Variants in HEG1 observed in about 807,000 individuals in gnomAD.
HEG1 encodes heart development protein with EGF like domains 1, also known as protein HEG homolog 1.
In HEG1, 56 loss-of-function variants were observed where a neutral mutation model predicts 125.6. The ratio of observed to expected loss-of-function variants is 0.45; its 90% confidence interval spans 0.36 to 0.56. HEG1 has a LOEUF of 0.56. Ranked by LOEUF, HEG1 falls within the 20% of genes least tolerant of loss-of-function variation. HEG1 has a pLI of 0.00. For missense variants in HEG1, 1,523 were observed against 1,670.0 expected (o/e 0.91, Z 1.53); for synonymous variants, 644 against 668.5 (o/e 0.96, Z 0.57).
intron 15 of HEG1, among the ~76,000 whole-genome samples, chr3:124,975,775 A>G (rs1936524454): frequency 6.6e-6 from 1 of 152,244 alleles, no homozygotes; most frequent in South Asian, 2.1e-4. Context: ...AAATAGAATC[A>G]TACAGTAGGT....
At chr3:125,045,618 A>G (rs949391072) in intron 1 of HEG1, among the ~76,000 whole-genome samples, 3 of 152,166 alleles carry the variant, frequency 2.0e-5, no homozygotes, top group African/African-American at 7.2e-5. Context: ...TGAAAAGGCT[A>G]TTGAGATTTC....
chr3:125,007,745 C>A (rs1189562434), intron 8 of HEG1, among the ~76,000 whole-genome samples: 2 of 152,136 alleles, frequency 1.3e-5, no homozygotes, highest in Non-Finnish European at 2.9e-5. Flanking sequence ...GGCCCTGGAG[C>A]TAGAAGCAAA....
chr3:125,054,165 T>C (rs1560038976), intron 1 of HEG1, among the ~76,000 whole-genome samples: 1 of 152,250 alleles, frequency 6.6e-6, no homozygotes. Flanking sequence ...GGAAATATGT[T>C]GTTTTATGTT....
At chr3:125,011,079 T>C (rs1364225654) in intron 6 of HEG1, among the ~76,000 whole-genome samples, 1 of 152,176 alleles carries the variant, frequency 6.6e-6, no homozygotes, top group East Asian at 1.9e-4. Flanking sequence ...CCTCCACATA[T>C]TGTGCCATAT....
At chr3:125,036,257 T>C (rs1937546788) in intron 1 of HEG1, among the ~76,000 whole-genome samples, 1 of 147,440 alleles carries the variant, frequency 6.8e-6, no homozygotes. Flanking sequence ...ACTTCCAAAC[T>C]GGCAGAGCTT....
At chr3:124,976,130 G>T (rs573940101) in intron 15 of HEG1, among the ~76,000 whole-genome samples, 1 of 152,188 alleles carries the variant, frequency 6.6e-6, no homozygotes, top group African/African-American at 2.4e-5. Context: ...CAGTGTATGG[G>T]GGATTCTGAT....
rs140451275 is a variant in HEG1, at chr3:125,040,476, G to A, written c.317-10988C>T. Among the ~76,000 whole-genome samples, 18 of 152,226 alleles carry A rather than the reference G, an allele frequency of 1.2e-4. No individual in the cohort carries two copies. The East Asian group carries it at 2.9e-3, about 24-fold the overall frequency. On this transcript the variant is annotated intron_variant, in intron 1 of 16. Transcript: ENST00000311127. Reference sequence around the variant, plus strand: ...AAGGTCATATTGCTCAAAAGGGAGCGGTTCCAGAACAGTAAGACACTGATG... The same window carrying A: ...AAGGTCATATTGCTCAAAAGGGAGCAGTTCCAGAACAGTAAGACACTGATG...
intron 1 of HEG1, among the ~76,000 whole-genome samples, chr3:125,044,177 C>T (rs1380617250): frequency 6.6e-6 from 1 of 152,078 alleles, no homozygotes; most frequent in Non-Finnish European, 1.5e-5. Flanking sequence ...CCAGGGCCTC[C>T]GAGGGGAGAA....
intron 1 of HEG1, among the ~76,000 whole-genome samples, chr3:125,043,146 G>A (rs1228025690): frequency 3.9e-5 from 6 of 152,244 alleles, no homozygotes; most frequent in African/African-American, 9.6e-5. Context: ...GCGCTCTAGC[G>A]ATGAAGAAAG....
intron 14 of HEG1, among the ~76,000 whole-genome samples, chr3:124,990,220 C>G (rs1936807423): frequency 6.6e-6 from 1 of 152,186 alleles, no homozygotes; most frequent in South Asian, 2.1e-4. Flanking sequence ...CACAGTAACA[C>G]TCAGCACACA....
At chr3:125,044,090 T>C (rs1454464290) in intron 1 of HEG1, among the ~76,000 whole-genome samples, 1 of 152,220 alleles carries the variant, frequency 6.6e-6, no homozygotes, top group Non-Finnish European at 1.5e-5. Flanking sequence ...CGTTGACGAC[T>C]GCTAGAAAAT....
chr3:125,040,634 A>G (rs904918126), intron 1 of HEG1, among the ~76,000 whole-genome samples: 11 of 152,156 alleles, frequency 7.2e-5, no homozygotes, highest in African/African-American at 2.2e-4. Context: ...CCTTATACCT[A>G]TGAGAGTGGG....
rs759352279 is a variant in HEG1, at chr3:124,977,882, G to A, written c.3798C>T (p.Ile1266=). The A allele has an allele frequency of 2.5e-5, 40 of 1,576,036 alleles. No individual in the cohort carries two copies. The highest frequency in any genetic ancestry group is 4.7e-5 in the East Asian group (2 of 42,894). ...AGGGLLLILG[I]ALIVTCCRKN... is the part of the protein sequence containing the mutation. ...ACCTGCAACAGGTAACAATCAGTGC[G>A]ATGCCTAGGATGAGCAGGAGCCCAC... The change falls in exon 15 of 17, where the codon ATC becomes ATT. Residue 1266 remains isoleucine, a synonymous_variant. Transcript: ENST00000311127.
At position 125,009,743 on chromosome 3, in the gene HEG1, G is replaced by A. The variant is rs200205505; in HGVS notation, c.3155C>T (p.Pro1052Leu). 36 of 1,613,414 alleles carry A rather than the reference G, an allele frequency of 2.2e-5. 1 individual carries two copies. The East Asian group carries it at 2.9e-4, about 13-fold the overall frequency. Residue 1052 changes from proline to leucine, a missense_variant, in exon 8 of 17, where the codon CCG becomes CTG. Coordinates refer to ENST00000311127, the MANE Select transcript of HEG1 (RefSeq NM_020733.2). Reference sequence around the variant, plus strand: ...CCCTTTTTCCAACTGGTACCCAACCGGGCATTTGCAGATAAAGGATCCCTG... The same window carrying A: ...CCCTTTTTCCAACTGGTACCCAACCAGGCATTTGCAGATAAAGGATCCCTG... Reference protein sequence around the residue: ...NTQGSFICKCPVGYQLEKGIC... With the variant: ...NTQGSFICKCLVGYQLEKGIC...
chr3:124,983,785 C>T (rs1423123584), intron 14 of HEG1, among the ~76,000 whole-genome samples: 2 of 152,132 alleles, frequency 1.3e-5, no homozygotes, highest in Non-Finnish European at 1.5e-5. Context: ...GTGACAGTGC[C>T]CCACATGATT....
intron 5 of HEG1, among the ~76,000 whole-genome samples, chr3:125,015,538 G>GT (rs1937232304): frequency 6.6e-6 from 1 of 152,232 alleles, no homozygotes; most frequent in South Asian, 2.1e-4. Flanking sequence ...AGGTGGGCTT[G>GT]TTTTTTTGTC....
At chr3:124,973,982 T>A in intron 15 of HEG1, 77 bp from the exon 16 acceptor site, 1 of 961,382 alleles carries the variant, frequency 1.0e-6, no homozygotes, top group Non-Finnish European at 1.6e-6. Context: ...TATGATTTTA[T>A]AATGTAAATT....
Position 125,027,400 on chromosome 3 carries a change from T to C in HEG1, c.718A>G (p.Met240Val), listed in dbSNP as rs560053132. 5 of 1,614,020 alleles carry C rather than the reference T, an allele frequency of 3.1e-6. No individual in the cohort carries two copies. The highest frequency in any genetic ancestry group is 1.3e-5 in the African/African-American group (1 of 75,040). The change falls in exon 3 of 17, where the codon ATG becomes GTG. Residue 240 changes from methionine (M) to valine (V), a missense_variant. Coordinates refer to ENST00000311127, the MANE Select transcript of HEG1 (RefSeq NM_020733.2). ...ACAGTCCATTCTTCTGACAGCCCCA[T>C]CGCCCTCTCTGTTCCCATCTCCGAG... ...TASEMGTERA[M>V]GLSEEWTVHS...
chr3:124,993,352 A>T (rs73201560), intron 12 of HEG1, among the ~76,000 whole-genome samples: 12,215 of 152,266 alleles, frequency 0.08, 618 homozygotes, highest in East Asian at 0.19. Flanking sequence ...TGCCACAGGT[A>T]GAGCATAATT....
Sources: allele counts gnomAD v4.1 joint callset (sites outside exome capture counted in the v4.1 genomes callset), GRCh38; gene constraint gnomAD v4.1.1; transcripts MANE v1.5; gene names NCBI Gene and HGNC (gene_info 2026-07-23, HGNC 2026-07-21).